The following FAM120A variants were observed in gnomAD, a reference collection of about 807,000 sequenced individuals.
FAM120A encodes family with sequence similarity 120 member A.
FAM120A carries 15 observed loss-of-function variants against 109.7 expected under a neutral mutation model. That is an observed-to-expected ratio of 0.14 (90% CI 0.09 to 0.21). The LOEUF (loss-of-function observed/expected upper bound fraction) is 0.21, where lower values mean the gene tolerates loss of function less well. Among genes scored for constraint, FAM120A ranks in the 10% least tolerant of loss-of-function variants. The probability of loss-of-function intolerance (pLI) is 1.00; values close to 1 mark genes in which losing one functional copy is unlikely to be tolerated. For missense variants in FAM120A, 899 were observed against 1,439.3 expected (o/e 0.62, Z 6.07); for synonymous variants, 493 against 572.8 (o/e 0.86, Z 1.99).
chr9:93,498,343 A>C lies in FAM120A; in HGVS notation c.934-447A>C, dbSNP rs1588844500. 6.6e-6 allele frequency among the ~76,000 whole-genome samples: 1 copy of C among 152,224 alleles called. No homozygotes were observed. Among genetic ancestry groups the C allele is most frequent in the Non-Finnish European group, 1.5e-5 (1 of 68,036 alleles). Reference sequence around the variant, plus strand: ...GTAAGGCAGAGGCTGCAGTGAGCGGAGATCATGCCACCGCACTCCAGCCTG... The same window carrying C: ...GTAAGGCAGAGGCTGCAGTGAGCGGCGATCATGCCACCGCACTCCAGCCTG... On this transcript the variant is annotated intron_variant, in intron 4 of 17. Transcript: ENST00000277165. This position sits in a 1 kb window ranked among gnomAD's most constrained non-coding sequence, Gnocchi z 4.4.
At position 93,489,518 on chromosome 9, in the gene FAM120A, T is replaced by C. The variant is rs556129499; in HGVS notation, c.805-7953T>C. 3.3e-5 allele frequency among the ~76,000 whole-genome samples: 5 copies of C among 152,352 alleles called. No homozygotes were observed. In the South Asian group the frequency reaches 1.0e-3, roughly 32 times the overall value. Reference sequence around the variant, plus strand: ...TGAAGCCACCTCTGGCCTACCTGCCTTTTCGTCCTAGGCTCTAGGCCTGTA... The same window carrying C: ...TGAAGCCACCTCTGGCCTACCTGCCCTTTCGTCCTAGGCTCTAGGCCTGTA... On this transcript the variant is annotated intron_variant, in intron 3 of 17. Transcript: ENST00000277165.
intron 7 of FAM120A, among the ~76,000 whole-genome samples, chr9:93,517,189 C>T (rs1022076773): frequency 5.9e-5 from 9 of 152,186 alleles, no homozygotes; most frequent in African/African-American, 1.9e-4. Context: ...GACTCTCTGC[C>T]ATCCAGGGAT....
chr9:93,512,035 G>T lies in FAM120A; in HGVS notation c.1031-3632G>T, dbSNP rs1397862388. On this transcript the variant is annotated intron_variant, in intron 5 of 17. Coordinates refer to ENST00000277165, the MANE Select transcript of FAM120A (RefSeq NM_014612.5). ...TTGAACTCCTGACCTCAAGTGATTC[G>T]CCTGCCTTGGCCTCCCAAAGTGGTG... 2.6e-5 allele frequency among the ~76,000 whole-genome samples: 4 copies of T among 152,286 alleles called. 1 individual carries two copies. Among genetic ancestry groups the T allele is most frequent in the Middle Eastern group, 6.8e-3 (2 of 294 alleles).
At position 93,497,494 on chromosome 9, in the gene FAM120A, G is replaced by A. The variant is rs1408129520; in HGVS notation, c.828G>A (p.Leu276=). 1.2e-6 allele frequency: 2 copies of A among 1,613,294 alleles called. No homozygotes were observed. Among genetic ancestry groups the A allele is most frequent in the East Asian group, 4.5e-5 (2 of 44,856 alleles). The change falls in exon 4 of 18, where the codon TTG becomes TTA. Residue 276 remains leucine (L), a synonymous_variant. Transcript: ENST00000277165. ...AGGTCCGGGCCCACCAGCTGGTCTT[G>A]CCACCTTGCGACGTAGTGATCAAAG... The part of the protein sequence containing the change: ...SLKVRAHQLV[L]PPCDVVIKAV...
intron 3 of FAM120A, among the ~76,000 whole-genome samples, chr9:93,489,378 C>G (rs960264388): frequency 6.6e-6 from 1 of 152,160 alleles, no homozygotes; most frequent in Non-Finnish European, 1.5e-5. Context: ...ACAGGTATTC[C>G]CCCAAGAAGG....
chr9:93,507,950 T>G (rs1176110955), intron 5 of FAM120A, among the ~76,000 whole-genome samples: 2 of 152,206 alleles, frequency 1.3e-5, no homozygotes, highest in East Asian at 3.9e-4. Context: ...GGCTTTGAAA[T>G]GCAGGGGAGA....
chr9:93,526,773 T>C (rs927424417), intron 7 of FAM120A, among the ~76,000 whole-genome samples: 1 of 152,240 alleles, frequency 6.6e-6, no homozygotes, highest in African/African-American at 2.4e-5. Context: ...CCAGATAACA[T>C]TTAAGTCTTC....
chr9:93,523,460 A>G (rs76467206), intron 7 of FAM120A: 1 of 294,650 alleles, frequency 3.4e-6, no homozygotes, highest in Non-Finnish European at 5.3e-6. Flanking sequence ...TCCACTTTAT[A>G]TTTATGTTTT....
chr9:93,553,197 G>C (rs1209563319), intron 12 of FAM120A, among the ~76,000 whole-genome samples: 1 of 152,106 alleles, frequency 6.6e-6, no homozygotes, highest in Non-Finnish European at 1.5e-5. Flanking sequence ...TGTAATTAAG[G>C]TAAAATTAGC....
Position 93,563,179 on chromosome 9 carries a change from T to C in FAM120A, c.3045+875T>C, listed in dbSNP as rs532387749. On this transcript the variant is annotated intron_variant, in intron 17 of 17. Coordinates refer to ENST00000277165, the MANE Select transcript of FAM120A (RefSeq NM_014612.5). ...ATCTCCATCTGGGTTGATGATTTTG[T>C]CATCAACAAGGCAAATACCCTGGTT... 3.3e-5 allele frequency among the ~76,000 whole-genome samples: 5 copies of C among 152,262 alleles called. No individual in the cohort carries two copies. The South Asian group carries it at 1.0e-3, about 32-fold the overall frequency.
At chr9:93,514,477 G>A (rs1395711108) in intron 5 of FAM120A, among the ~76,000 whole-genome samples, 1 of 152,236 alleles carries the variant, frequency 6.6e-6, no homozygotes, top group African/African-American at 2.4e-5. Flanking sequence ...CCAAGGAAGA[G>A]ATGGTGCAGC....
intron 7 of FAM120A, among the ~76,000 whole-genome samples, chr9:93,520,997 A>G (rs1056621507): frequency 1.3e-5 from 2 of 152,174 alleles, no homozygotes; most frequent in Admixed American, 6.5e-5. Flanking sequence ...TGTACTGTAC[A>G]GTTCTCCTGT....
At chr9:93,461,440 T>C (rs537630848) in intron 1 of FAM120A, among the ~76,000 whole-genome samples, 117 of 152,292 alleles carry the variant, frequency 7.7e-4, no homozygotes, top group African/African-American at 2.8e-3. Context: ...TTGAAATAAA[T>C]AGTATCAACC....
intron 8 of FAM120A, 80 bp downstream of exon 8, chr9:93,527,322 AAAT>A: frequency 1.0e-6 from 1 of 994,982 alleles, no homozygotes; most frequent in African/African-American, 1.6e-5. Flanking sequence ...AAATAGTGAA[AAAT>A]AATATCTCTC....
intron 10 of FAM120A, among the ~76,000 whole-genome samples, chr9:93,541,440 G>A (rs1179491630): frequency 2.6e-5 from 4 of 152,154 alleles, no homozygotes; most frequent in Non-Finnish European, 4.4e-5. Flanking sequence ...GGTGGGGGCA[G>A]TGCCTTAGAT....
intron 15 of FAM120A, among the ~76,000 whole-genome samples, chr9:93,558,925 C>G (rs1862386033): frequency 6.6e-6 from 1 of 152,192 alleles, no homozygotes; most frequent in Admixed American, 6.5e-5. Context: ...TGTGGCCAGT[C>G]TCTCCTTTCA....
chr9:93,465,216 C>A (rs957005058), intron 1 of FAM120A, among the ~76,000 whole-genome samples: 1 of 152,202 alleles, frequency 6.6e-6, no homozygotes, highest in African/African-American at 2.4e-5. Flanking sequence ...CCACCCAAAC[C>A]TTGCATTGTA....
Position 93,451,837 on chromosome 9 carries a change from C to T in FAM120A, c.-79C>T, listed in dbSNP as rs1717643668. The T allele has an allele frequency of 1.0e-6, 1 of 967,786 alleles. No individual in the cohort carries two copies. The highest frequency in any genetic ancestry group is 1.2e-6 in the Non-Finnish European group (1 of 817,188). 59.9% of individuals were successfully genotyped at this position (967,786 alleles called of 1,614,324 possible). A position where few individuals can be genotyped will look rare whatever the true frequency, so the allele number is the denominator to read the frequency against. On this transcript the variant is annotated 5_prime_UTR_variant, in exon 1 of 18. Transcript: ENST00000277165. ...GAGGCCGCCGCCCCCGCCCGCCAGCCCGCCCGCGCGCCACGGCCCCACCAC... is the reference window on the plus strand; with the variant it reads ...GAGGCCGCCGCCCCCGCCCGCCAGCTCGCCCGCGCGCCACGGCCCCACCAC...
At chr9:93,478,256 A>C (rs962478331) in intron 3 of FAM120A, among the ~76,000 whole-genome samples, 2 of 150,442 alleles carry the variant, frequency 1.3e-5, no homozygotes. Context: ...CCCATATTCA[A>C]ATTTTTTCAG....
Sources: allele counts gnomAD v4.1 joint callset (sites outside exome capture counted in the v4.1 genomes callset), GRCh38; gene constraint gnomAD v4.1.1; non-coding constraint Gnocchi (gnomAD v3.1); transcripts MANE v1.5; gene names NCBI Gene and HGNC (gene_info 2026-07-23, HGNC 2026-07-21).